YEATS4: variants seen among roughly 807,000 people sequenced by gnomAD.
The protein encoded by YEATS4 is YEATS domain containing 4.
Under a neutral mutation model 30.1 loss-of-function variants are expected in YEATS4, and 17 were observed. That is an observed-to-expected ratio of 0.56 (90% confidence interval 0.39 to 0.85). The LOEUF is 0.85. YEATS4 is among the 40% of genes least tolerant of loss of function. YEATS4 has a pLI of 0.00. For synonymous variants in YEATS4, 85 were observed against 87.5 expected (o/e 0.97, Z 0.16); for missense variants, 142 against 268.3 (o/e 0.53, Z 3.29).
At chr12:69,374,125 A>T (rs552088058) in intron 6 of YEATS4, among the ~76,000 whole-genome samples, 259 of 138,086 alleles carry the variant, frequency 1.9e-3, no homozygotes, top group African/African-American at 6.3e-3. Context: ...GGTTCCACAT[A>T]AAATTTTAGG....
At chr12:69,365,279 G>A (rs315126) in intron 2 of YEATS4, among the ~76,000 whole-genome samples, 9,094 of 151,702 alleles carry the variant, frequency 0.06, 393 homozygotes, top group African/African-American at 0.12. Flanking sequence ...GTGAAACCCC[G>A]TCTCTACTAA....
intron 1 of YEATS4, among the ~76,000 whole-genome samples, chr12:69,360,794 C>T (rs1875171377): frequency 6.6e-6 from 1 of 151,560 alleles, no homozygotes; most frequent in African/African-American, 2.4e-5. Context: ...CCACCGCGCC[C>T]AGCCGTGGTT....
chr12:69,381,182 G>T (rs187551742), intron 6 of YEATS4, among the ~76,000 whole-genome samples: 1 of 152,038 alleles, frequency 6.6e-6, no homozygotes, highest in Non-Finnish European at 1.5e-5. Context: ...CTACAGCTGC[G>T]ACCGTAAAAG....
At chr12:69,424,300 C>A in the YEATS4 span, among the ~76,000 whole-genome samples, 41,961 of 152,014 alleles carry the variant, frequency 0.28, 6,859 homozygotes, top group Non-Finnish European at 0.37. Flanking sequence ...AGATCCTAAC[C>A]TGCTACAGGG....
the YEATS4 span, among the ~76,000 whole-genome samples, chr12:69,409,391 C>T: frequency 1.3e-5 from 2 of 151,972 alleles, no homozygotes; most frequent in African/African-American, 2.4e-5. Flanking sequence ...CTGAGGTGGG[C>T]GGATCCCTTG....
the YEATS4 span, chr12:69,422,889 G>T: frequency 6.6e-6 from 1 of 152,238 alleles, no homozygotes; most frequent in South Asian, 2.1e-4. Flanking sequence ...TGCCATTCAT[G>T]GAAAAGTAGT....
At chr12:69,372,885 GT>G (rs60915932) in intron 6 of YEATS4, among the ~76,000 whole-genome samples, 111,365 of 151,970 alleles carry the variant, frequency 0.73, 40,882 homozygotes, top group African/African-American at 0.79. Flanking sequence ...AATATATAAT[GT>G]TTTATCTTTC....
the YEATS4 span, among the ~76,000 whole-genome samples, chr12:69,404,126 G>T: frequency 6.6e-6 from 1 of 152,056 alleles, no homozygotes. Context: ...TAGATTTCCA[G>T]CCCAAATTCC....
intron 2 of YEATS4, chr12:69,364,071 G>A: frequency 3.0e-6 from 1 of 335,654 alleles, no homozygotes; most frequent in South Asian, 2.2e-5. Context: ...AAAGGGTATT[G>A]AGGTAAGTGC....
the YEATS4 span, among the ~76,000 whole-genome samples, chr12:69,396,334 A>G: frequency 4.6e-5 from 7 of 152,218 alleles, no homozygotes; most frequent in African/African-American, 7.2e-5. Context: ...AAGAAATTAA[A>G]TGACTTTCAG....
intron 2 of YEATS4, among the ~76,000 whole-genome samples, chr12:69,364,881 A>G (rs1431692986): frequency 6.6e-6 from 1 of 151,996 alleles, no homozygotes; most frequent in African/African-American, 2.4e-5. Context: ...TGGCCTCCCA[A>G]AGTGCTGGGA....
At chr12:69,404,728 A>G in the YEATS4 span, among the ~76,000 whole-genome samples, 2 of 152,230 alleles carry the variant, frequency 1.3e-5, no homozygotes, top group Non-Finnish European at 2.9e-5. Flanking sequence ...CATGTTGTCA[A>G]TAGTAGATAG....
chr12:69,382,069 G>A (rs1876100515), intron 6 of YEATS4, among the ~76,000 whole-genome samples: 2 of 148,526 alleles, frequency 1.3e-5, no homozygotes, highest in Admixed American at 6.7e-5. Context: ...TATGTCCAAT[G>A]ATAAATTATC....
intron 2 of YEATS4, among the ~76,000 whole-genome samples, chr12:69,364,715 G>A (rs1334694679): frequency 2.0e-5 from 3 of 152,132 alleles, no homozygotes; most frequent in East Asian, 1.9e-4. Flanking sequence ...CGCCTCCTGG[G>A]TTTAAGTGAT....
At chr12:69,407,337 C>T in the YEATS4 span, among the ~76,000 whole-genome samples, 2 of 151,974 alleles carry the variant, frequency 1.3e-5, no homozygotes, top group East Asian at 1.9e-4. Context: ...GTGTATGGAA[C>T]GTACTTTGCA....
intron 5 of YEATS4, 30 bp from the exon 6 acceptor site, chr12:69,370,858 A>T: frequency 6.2e-7 from 1 of 1,602,384 alleles, no homozygotes; most frequent in Non-Finnish European, 8.5e-7. Context: ...CTTTGAAGTT[A>T]TTGGGTTTTT....
the YEATS4 span, among the ~76,000 whole-genome samples, chr12:69,420,428 G>C: frequency 6.6e-6 from 1 of 152,072 alleles, no homozygotes; most frequent in African/African-American, 2.4e-5. Flanking sequence ...ACAGAGGCAA[G>C]ATGACAAGTT....
chr12:69,400,232 G>A, the YEATS4 span, among the ~76,000 whole-genome samples: 151 of 152,094 alleles, frequency 9.9e-4, 2 homozygotes, highest in South Asian at 0.015. Flanking sequence ...AGCAAAACAG[G>A]TTCAGGGAGA....
At chr12:69,371,151 A>G (rs2120955966) in intron 6 of YEATS4, among the ~76,000 whole-genome samples, 176 bp downstream of exon 6, 1 of 152,344 alleles carries the variant, frequency 6.6e-6, no homozygotes, top group African/African-American at 2.4e-5. Context: ...AATTGTTCCC[A>G]AGTAGGCCTG....
Sources: gnomAD v4.1 joint callset for allele counts (sites outside exome capture counted in the v4.1 genomes callset) on GRCh38, gnomAD v4.1.1 for gene constraint, MANE v1.5 for transcripts, NCBI Gene and HGNC (gene_info 2026-07-23, HGNC 2026-07-21) for gene names.